The following CTNNA3 variants were observed in gnomAD, a reference collection of about 807,000 sequenced individuals.
The protein encoded by CTNNA3 is catenin alpha 3.
CTNNA3 carries 76 observed loss-of-function variants against 95.7 expected under a neutral mutation model. The ratio of observed to expected loss-of-function variants is 0.79; its 90% confidence interval spans 0.66 to 0.96. CTNNA3 has a LOEUF of 0.96. Ranked by LOEUF, CTNNA3 falls within the 40% of genes least tolerant of loss-of-function variation. The pLI is 0.00. For synonymous variants in CTNNA3, 431 were observed against 374.4 expected, an observed-to-expected ratio of 1.15 and a Z score of -1.74; for missense variants, 1,191 against 1,089.8, an observed-to-expected ratio of 1.09 and a Z score of -1.31.
chr10:67,070,860 T>C (rs1856412498), intron 7 of CTNNA3, among the ~76,000 whole-genome samples: 3 of 152,196 alleles, frequency 2.0e-5, no homozygotes, highest in African/African-American at 4.8e-5. Flanking sequence ...TACTATATTC[T>C]TTTTTTCTCA....
chr10:66,905,413 G>A (rs779634065), intron 7 of CTNNA3, among the ~76,000 whole-genome samples: 16 of 152,032 alleles, frequency 1.1e-4, no homozygotes, highest in South Asian at 4.1e-4. Context: ...GCGAAATACC[G>A]AATGTAAATG....
chr10:67,601,713 A>C (rs1044175928), intron 3 of CTNNA3, among the ~76,000 whole-genome samples: 1 of 152,352 alleles, frequency 6.6e-6, no homozygotes, highest in South Asian at 2.1e-4. Flanking sequence ...TTTAAAGAAA[A>C]TGTCAAATTT....
intron 1 of CTNNA3, among the ~76,000 whole-genome samples, chr10:67,657,054 G>A (rs889701080): frequency 9.9e-5 from 15 of 152,216 alleles, no homozygotes; most frequent in Non-Finnish European, 1.9e-4. Context: ...GTTGGTGGTA[G>A]CAGAAGTGGA....
chr10:65,943,261 T>A (rs1219482597), intron 17 of CTNNA3, among the ~76,000 whole-genome samples: 1 of 152,100 alleles, frequency 6.6e-6, no homozygotes, highest in Non-Finnish European at 1.5e-5. Context: ...AGACGGAGTT[T>A]CACCATGTTA....
chr10:67,037,388 G>A (rs12358905), intron 7 of CTNNA3, among the ~76,000 whole-genome samples: 3 of 145,552 alleles, frequency 2.1e-5, no homozygotes, highest in Non-Finnish European at 3.0e-5. Context: ...AAAGAAAAAA[G>A]AAAAAAAAAA....
intron 7 of CTNNA3, among the ~76,000 whole-genome samples, chr10:67,088,467 A>G (rs1857432068): frequency 6.6e-6 from 1 of 151,948 alleles, no homozygotes; most frequent in Non-Finnish European, 1.5e-5. Flanking sequence ...TTAAATAGTT[A>G]AGATTTTTTA....
intron 10 of CTNNA3, among the ~76,000 whole-genome samples, chr10:66,547,343 CTTTCTT>C (rs1235825263): frequency 1.2e-5 from 1 of 83,132 alleles, no homozygotes; most frequent in Non-Finnish European, 2.2e-5. Context: ...ATTTTTCTTT[CTTTCTT>C]TTTTTTTTTT....
At chr10:66,257,900 A>G (rs2090852617) in intron 13 of CTNNA3, among the ~76,000 whole-genome samples, 1 of 152,228 alleles carries the variant, frequency 6.6e-6, no homozygotes, top group Non-Finnish European at 1.5e-5. Flanking sequence ...TCTCTCCACC[A>G]CAGCTTAGTT....
At chr10:67,451,980 CATAGTT>C (rs1256847455) in intron 5 of CTNNA3, among the ~76,000 whole-genome samples, 4 of 137,524 alleles carry the variant, frequency 2.9e-5, no homozygotes, top group South Asian at 2.4e-4. Context: ...CATGCAAACA[CATAGTT>C]AGAGTTCCGA....
In CTNNA3 at chr10:66,438,518, C is replaced by G. The variant is rs369929854; in HGVS notation, c.1532-59166G>C. 4.2e-4 allele frequency among the ~76,000 whole-genome samples: 64 copies of G among 152,264 alleles called. 1 individual carries two copies. The South Asian group carries it at 0.013, about 31-fold the overall frequency. On this transcript the variant is annotated intron_variant, in intron 11 of 17. Transcript: ENST00000433211. ...CACTGTGAGGGGAAAACTGCCTACT[C>G]AAGCCTCAGTAATGGTGGATGCCTC...
chr10:67,737,322 C>T (rs1371926949), intron 1 of CTNNA3, among the ~76,000 whole-genome samples: 2 of 151,740 alleles, frequency 1.3e-5, no homozygotes, highest in African/African-American at 2.4e-5. Context: ...ATACAACATA[C>T]CAAAAGATAC....
intron 13 of CTNNA3, among the ~76,000 whole-genome samples, chr10:66,206,732 A>AT (rs1024156326): frequency 6.6e-6 from 1 of 151,860 alleles, no homozygotes; most frequent in Non-Finnish European, 1.5e-5. Flanking sequence ...TTAAGAGAAG[A>AT]TTTTCTTTGT....
At chr10:67,243,486 T>G (rs1865796101) in intron 5 of CTNNA3, among the ~76,000 whole-genome samples, 4 of 152,212 alleles carry the variant, frequency 2.6e-5, no homozygotes, top group Admixed American at 2.6e-4. Flanking sequence ...TGTCATACCA[T>G]CAGAGGAAAC....
intron 3 of CTNNA3, among the ~76,000 whole-genome samples, chr10:67,555,804 G>A (rs1841219654): frequency 1.3e-5 from 2 of 152,140 alleles, no homozygotes; most frequent in Non-Finnish European, 2.9e-5. Context: ...GAAAAGGAGT[G>A]GTGAGAGAGG....
chr10:66,713,655 G>A (rs533539263), intron 9 of CTNNA3, among the ~76,000 whole-genome samples: 1 of 151,914 alleles, frequency 6.6e-6, no homozygotes, highest in East Asian at 1.9e-4. Context: ...GTTATGTCTG[G>A]ACTGAACTCA....
intron 13 of CTNNA3, among the ~76,000 whole-genome samples, chr10:66,273,685 C>T (rs996831054): frequency 2.0e-5 from 3 of 152,118 alleles, no homozygotes; most frequent in Admixed American, 1.3e-4. Context: ...AACTCCCTTG[C>T]AACCTTTGGA....
At position 66,901,288 on chromosome 10, in the gene CTNNA3, T is replaced by C. The variant is rs556161120; in HGVS notation, c.1048-125764A>G. On this transcript the variant is annotated intron_variant, in intron 7 of 17. Coordinates refer to ENST00000433211, the MANE Select transcript of CTNNA3 (RefSeq NM_013266.4). The stretch of plus-strand genomic sequence containing the variant: ...ATCAAGACAAACTACCATTCATAAG[T>C]GAAGGGGAAATAAAATCGTTTACAG... Among the ~76,000 whole-genome samples the C allele has an allele frequency of 5.3e-5, 8 of 152,218 alleles. No individual in the cohort carries two copies. The East Asian group carries it at 1.2e-3, about 22-fold the overall frequency.
chr10:67,028,923 C>T (rs978650822), intron 7 of CTNNA3, among the ~76,000 whole-genome samples: 2 of 152,106 alleles, frequency 1.3e-5, no homozygotes, highest in Non-Finnish European at 2.9e-5. Flanking sequence ...TAAGGCAAAA[C>T]TCAACTTTTT....
chr10:67,400,077 C>A (rs1260859347), intron 5 of CTNNA3, among the ~76,000 whole-genome samples: 45 of 151,032 alleles, frequency 3.0e-4, no homozygotes, highest in African/African-American at 1.0e-3. Context: ...CACCTCCCCC[C>A]ACCCCACAAC....
Sources: gnomAD v4.1 joint callset for allele counts (sites outside exome capture counted in the v4.1 genomes callset) on GRCh38, gnomAD v4.1.1 for gene constraint, MANE v1.5 for transcripts, NCBI Gene and HGNC (gene_info 2026-07-23, HGNC 2026-07-21) for gene names.